Variants in LZTS1 observed in about 807,000 individuals in gnomAD.
LZTS1 encodes leucine zipper putative tumor suppressor 1.
In LZTS1, 31 loss-of-function variants were observed where a neutral mutation model predicts 45.8. The observed-to-expected ratio is 0.68, with a 90% CI of 0.51 to 0.91. The LOEUF (loss-of-function observed/expected upper bound fraction) is 0.91. Ranked by LOEUF, LZTS1 falls within the 40% of genes least tolerant of loss-of-function variation. The pLI, the probability that LZTS1 is intolerant of heterozygous loss-of-function variation, is 0.00. For synonymous variants in LZTS1, 359 were observed against 357.3 expected (o/e 1.00, Z -0.05); for missense variants, 821 against 788.9 (o/e 1.04, Z -0.49).
intron 1 of LZTS1, 134 bp downstream of exon 1, chr8:20,303,606 C>T (rs1801120123): frequency 2.6e-6 from 2 of 780,522 alleles, no homozygotes; most frequent in Non-Finnish European, 3.1e-6. Flanking sequence ...TCGACAGCCA[C>T]GGACACAGAC....
rs527759585 is a variant in LZTS1, at chr8:20,251,098, A to AATAT, written c.1150-739_1150-736dup. ...TGGTGAAGTGACCAGCCTGAGGGCT[A>AATAT]ATATATATATATATATATATATATA... On this transcript the variant is annotated intron_variant, in intron 3 of 3. Coordinates refer to ENST00000381569, the MANE Select transcript of LZTS1 (RefSeq NM_021020.5). 6.4e-3 allele frequency among the ~76,000 whole-genome samples: 260 copies of AATAT among 40,856 alleles called. 3 individuals carry two copies. The highest frequency in any genetic ancestry group is 9.6e-3 in the Non-Finnish European group (167 of 17,318). The allele number at this position is 40,856 out of a possible 152,430, so 26.8% of individuals were successfully genotyped here. A position where few individuals can be genotyped will look rare whatever the true frequency, so the allele number is the denominator to read the frequency against.
At chr8:20,297,665 C>T (rs1563903351) in intron 1 of LZTS1, among the ~76,000 whole-genome samples, 1 of 152,132 alleles carries the variant, frequency 6.6e-6, no homozygotes, top group Non-Finnish European at 1.5e-5. Flanking sequence ...ATCGGCTCAC[C>T]TTGGCCTCCT....
intron 1 of LZTS1, among the ~76,000 whole-genome samples, chr8:20,301,779 C>T (rs531379949): frequency 6.6e-6 from 1 of 152,042 alleles, no homozygotes; most frequent in African/African-American, 2.4e-5. Flanking sequence ...ATGACAGCAC[C>T]CCTGCCCCAC....
chr8:20,275,466 C>G (rs947223225), intron 1 of LZTS1, among the ~76,000 whole-genome samples: 1 of 151,556 alleles, frequency 6.6e-6, no homozygotes, highest in Admixed American at 6.6e-5. Context: ...TTCCCCCACC[C>G]GGGAGAAGCT....
At chr8:20,288,988 T>TG (rs1800848102) in intron 1 of LZTS1, among the ~76,000 whole-genome samples, 1 of 5,764 alleles carries the variant, frequency 1.7e-4, no homozygotes, top group Non-Finnish European at 3.3e-4. Context: ...TAGCAGCTGG[T>TG]TTTTTTTTTT....
At chr8:20,301,999 T>G (rs1017575782) in intron 1 of LZTS1, among the ~76,000 whole-genome samples, 2 of 152,124 alleles carry the variant, frequency 1.3e-5, no homozygotes, top group Non-Finnish European at 1.5e-5. Flanking sequence ...ACTAGTTTTC[T>G]TCTCTTCTTA....
intron 1 of LZTS1, among the ~76,000 whole-genome samples, chr8:20,270,805 G>A (rs1367349059): frequency 1.4e-5 from 2 of 143,484 alleles, no homozygotes; most frequent in Non-Finnish European, 3.0e-5. Flanking sequence ...TCCTCTGTGT[G>A]TGTGTGTGTG....
At chr8:20,278,658 T>G (rs1305361858) in intron 1 of LZTS1, among the ~76,000 whole-genome samples, 1 of 152,180 alleles carries the variant, frequency 6.6e-6, no homozygotes, top group Non-Finnish European at 1.5e-5. Flanking sequence ...AGGCAAGAAC[T>G]GGGGTTGCTG....
In LZTS1 at chr8:20,303,873, T is replaced by C. The variant is rs1443766179; in HGVS notation, c.-268A>G. On this transcript the variant is annotated 5_prime_UTR_variant, in exon 1 of 4. Coordinates refer to ENST00000381569, the MANE Select transcript of LZTS1 (RefSeq NM_021020.5). ...CACTGCGCGGGATGCAGCTCCCGGC[T>C]CCCACTCACTGGCCGAGGCGGGCAG... 1 of 984,006 alleles carries C rather than the reference T, an allele frequency of 1.0e-6. No individual in the cohort carries two copies. The highest frequency in any genetic ancestry group is 1.8e-5 in the African/African-American group (1 of 56,936). The allele number at this position is 984,006 out of a possible 1,614,324, so 61.0% of individuals were successfully genotyped here.
chr8:20,262,863 G>T (rs184561891), intron 1 of LZTS1, among the ~76,000 whole-genome samples: 55 of 152,306 alleles, frequency 3.6e-4, no homozygotes, highest in Non-Finnish European at 6.5e-4. Flanking sequence ...TTGGGGGGAA[G>T]AGGAGGAAAA....
rs148913959 is a variant in LZTS1 at position 20,250,147 on chromosome 8, G to A, written c.1366C>T (p.Arg456Cys). The change falls in exon 4 of 4, where the codon CGC becomes TGC. Residue 456 changes from arginine to cysteine, a missense_variant. By Grantham distance (180) the Arg-to-Cys change is radical. Coordinates refer to ENST00000381569, the MANE Select transcript of LZTS1 (RefSeq NM_021020.5). Reference sequence around the variant, plus strand: ...AGCAGCTCCGCCTCGTTCTTCTTGCGCTGCAGCTCATTCTCACAGACCTCC... The same window carrying A: ...AGCAGCTCCGCCTCGTTCTTCTTGCACTGCAGCTCATTCTCACAGACCTCC... ...ELEVCENELQRKKNEAELLRE... is the reference protein window; with the variant it reads ...ELEVCENELQCKKNEAELLRE... 34 of 1,608,636 alleles carry A rather than the reference G, an allele frequency of 2.1e-5. No individual in the cohort carries two copies. Among genetic ancestry groups the A allele is most frequent in the South Asian group, 3.3e-5 (3 of 91,024 alleles).
chr8:20,300,611 C>T (rs767268727), intron 1 of LZTS1, among the ~76,000 whole-genome samples: 32 of 152,148 alleles, frequency 2.1e-4, no homozygotes, highest in African/African-American at 7.5e-4. Flanking sequence ...AGATTACAAG[C>T]GTGAGCCACA....
intron 1 of LZTS1, among the ~76,000 whole-genome samples, chr8:20,261,191 A>G (rs182964874): frequency 6.6e-6 from 1 of 152,326 alleles, no homozygotes; most frequent in Admixed American, 6.5e-5. Context: ...GGAGGGAAGA[A>G]GGATGGAGAG....
intron 1 of LZTS1, among the ~76,000 whole-genome samples, chr8:20,301,163 G>A (rs1801070530): frequency 6.6e-6 from 1 of 150,480 alleles, no homozygotes; most frequent in Non-Finnish European, 1.5e-5. Flanking sequence ...CCAGTTAAGT[G>A]GAGAAGGTAG....
Position 20,249,952 on chromosome 8 carries a change from T to C in LZTS1, c.1561A>G (p.Met521Val), listed in dbSNP as rs1195778403. The stretch of plus-strand genomic sequence containing the variant: ...CGCTCATGCTGGAAGCCCGAGGACA[T>C]CTGGTCATGGCCTTGCCGCTCCTCC... The part of the protein sequence containing the change: ...LREERQGHDQ[M>V]SSGFQHERLV... Residue 521 changes from methionine to valine, a missense_variant, in exon 4 of 4, where the codon ATG (methionine) becomes GTG (valine). Transcript: ENST00000381569. 1.9e-6 allele frequency: 3 copies of C among 1,614,084 alleles called. No homozygotes were observed. The highest frequency in any genetic ancestry group is 2.5e-6 in the Non-Finnish European group (3 of 1,179,986).
intron 1 of LZTS1, among the ~76,000 whole-genome samples, chr8:20,265,702 A>AAAAAAAAAG (rs1800340689): frequency 6.8e-6 from 1 of 146,516 alleles, no homozygotes; most frequent in East Asian, 2.0e-4. Context: ...AAAAAAAAAA[A>AAAAAAAAAG]GGCAGGGGAG....
chr8:20,274,961 C>CTGTGTGTGTG lies in LZTS1; in HGVS notation c.-134-19656_-134-19647dup, dbSNP rs34482608. Among the ~76,000 whole-genome samples the CTGTGTGTGTG allele has an allele frequency of 1.9e-3, 237 of 125,696 alleles. 1 individual carries two copies. The highest frequency in any genetic ancestry group is 0.012 in the Middle Eastern group (3 of 254). 82.5% of individuals were successfully genotyped at this position (125,696 alleles called of 152,430 possible). A position where few individuals can be genotyped will look rare whatever the true frequency, so the allele number is the denominator to read the frequency against. On this transcript the variant is annotated intron_variant, in intron 1 of 3. Coordinates refer to ENST00000381569, the MANE Select transcript of LZTS1 (RefSeq NM_021020.5). ...CAAAGATAGAGTGGCTGCCATGATA[C>CTGTGTGTGTG]TGTGTGTGTGTGTGTGTGTGTGTCT...
rs1040381358 is a variant in LZTS1 at position 20,254,969 on chromosome 8, G to C, written c.213C>G (p.Ser71Arg). The C allele has an allele frequency of 6.2e-7, 1 of 1,614,122 alleles. No individual in the cohort carries two copies. The highest frequency in any genetic ancestry group is 8.5e-7 in the Non-Finnish European group (1 of 1,180,060). Reference protein sequence around the residue: ...KSEDFFYIKVSQKARGSHHPD... With the variant: ...KSEDFFYIKVRQKARGSHHPD... The stretch of plus-strand genomic sequence containing the variant: ...GGTGATGGGAGCCCCGGGCTTTCTG[G>C]CTGACCTTGATGTAGAAGAAGTCTT... Residue 71 changes from serine (S) to arginine (R), a missense_variant, in exon 2 of 4, where the codon AGC becomes AGG. Ser to Arg is a moderately radical substitution (Grantham distance 110). Transcript: ENST00000381569.
intron 1 of LZTS1, among the ~76,000 whole-genome samples, chr8:20,291,648 T>C (rs1800902739): frequency 6.6e-6 from 1 of 151,644 alleles, no homozygotes; most frequent in Non-Finnish European, 1.5e-5. Context: ...CTGCAGAAAG[T>C]AAAGATTGCC....
Sources: allele counts gnomAD v4.1 joint callset (sites outside exome capture counted in the v4.1 genomes callset), GRCh38; gene constraint gnomAD v4.1.1; transcripts MANE v1.5; gene names NCBI Gene and HGNC (gene_info 2026-07-23, HGNC 2026-07-21).